Variants in NCR1 observed in about 807,000 individuals in gnomAD.
The protein encoded by NCR1 is NK cell-activating receptor.
Under a neutral mutation model 32.5 loss-of-function variants are expected in NCR1, and 30 were observed. The observed-to-expected ratio is 0.92, with a 90% confidence interval of 0.69 to 1.25. The LOEUF (loss-of-function observed/expected upper bound fraction) is 1.25, where lower values mean the gene tolerates loss of function less well. NCR1 is among the 50% of genes most tolerant of loss of function. The pLI is 0.00. For missense variants in NCR1, 369 were observed against 380.7 expected (o/e 0.97, Z 0.26); for synonymous variants, 169 against 143.4 (o/e 1.18, Z -1.28).
chr19:54,906,202 C>G lies in NCR1; in HGVS notation c.15C>G (p.Leu5=). The change falls in exon 1 of 7, where the codon CTC becomes CTG. Residue 5 remains leucine, a synonymous_variant. Coordinates refer to ENST00000291890, the MANE Select transcript of NCR1 (RefSeq NM_004829.7). Reference sequence around the variant, plus strand: ...GAATCTGAGCGATGTCTTCCACACTCCCTGCCCTGCTCTGCGTCGGTGAGT... The same window carrying G: ...GAATCTGAGCGATGTCTTCCACACTGCCTGCCCTGCTCTGCGTCGGTGAGT... MSST[L]PALLCVGLCL... The G allele has an allele frequency of 6.2e-7, 1 of 1,614,198 alleles. No individual in the cohort carries two copies. The highest frequency in any genetic ancestry group is 1.6e-4 in the Middle Eastern group (1 of 6,062).
chr19:54,928,928 G>A, the NCR1 span, among the ~76,000 whole-genome samples: 6 of 151,844 alleles, frequency 4.0e-5, no homozygotes, highest in South Asian at 2.1e-4. Flanking sequence ...CCAGCCTCCC[G>A]AGAATCTAGG....
the NCR1 span, chr19:54,937,900 CA>C: frequency 0.11 from 54,880 of 499,668 alleles, no homozygotes; most frequent in East Asian, 0.13. Flanking sequence ...TCCGTCTCAC[CA>C]AAAAAAAAAA....
chr19:54,899,685 G>A, the NCR1 span, among the ~76,000 whole-genome samples: 1 of 152,032 alleles, frequency 6.6e-6, no homozygotes, highest in Non-Finnish European at 1.5e-5. Context: ...AGCAGAGAAG[G>A]GGTAGAGACA....
At chr19:54,921,772 C>CAAAAA in the NCR1 span, among the ~76,000 whole-genome samples, 236 of 93,162 alleles carry the variant, frequency 2.5e-3, no homozygotes, top group Non-Finnish European at 4.0e-3. Flanking sequence ...GACTCCATCT[C>CAAAAA]AAAAAAAAAA....
chr19:54,926,675 G>T, the NCR1 span, among the ~76,000 whole-genome samples: 6 of 151,756 alleles, frequency 4.0e-5, no homozygotes, highest in East Asian at 5.9e-4. Flanking sequence ...CAGCACTTTG[G>T]GAGGCCAAGG....
the NCR1 span, among the ~76,000 whole-genome samples, chr19:54,921,904 T>C: frequency 6.6e-6 from 1 of 152,014 alleles, no homozygotes; most frequent in Non-Finnish European, 1.5e-5. Context: ...CTCTTATTTT[T>C]TTTTTTTCGA....
chr19:54,920,848 G>A (rs367977418), downstream of NCR1, among the ~76,000 whole-genome samples: 46 of 152,204 alleles, frequency 3.0e-4, no homozygotes, highest in East Asian at 5.8e-3. Flanking sequence ...GCTCACGCCT[G>A]TCATGCCAGC....
At chr19:54,920,021 C>T (rs1012668317), downstream of NCR1, among the ~76,000 whole-genome samples, 3 of 152,210 alleles carry the variant, frequency 2.0e-5, no homozygotes, top group Admixed American at 1.3e-4. Context: ...TAATTGCTAC[C>T]GGCTAATGAT....
At chr19:54,923,546 A>G in the NCR1 span, 3 of 660,138 alleles carry the variant, frequency 4.5e-6, no homozygotes, top group Non-Finnish European at 8.0e-6. Context: ...TCCCTGTGAG[A>G]AAGTACATAG....
At chr19:54,935,695 A>G in the NCR1 span, among the ~76,000 whole-genome samples, 1 of 67,128 alleles carries the variant, frequency 1.5e-5, no homozygotes, top group Non-Finnish European at 2.5e-5. Context: ...TGTCTCAAAG[A>G]AAAAAAAAAA....
chr19:54,926,926 A>G, the NCR1 span, among the ~76,000 whole-genome samples: 1 of 147,630 alleles, frequency 6.8e-6, no homozygotes, highest in Non-Finnish European at 1.5e-5. Flanking sequence ...TAAAAAAAAA[A>G]AAAAAAAAAA....
chr19:54,934,037 A>G, the NCR1 span, among the ~76,000 whole-genome samples: 2 of 152,134 alleles, frequency 1.3e-5, no homozygotes, highest in African/African-American at 2.4e-5. This position sits in a 1 kb window ranked among gnomAD's most constrained non-coding sequence, Gnocchi z 6.7. Flanking sequence ...GCCGCCTCCC[A>G]GGTTTACACC....
In NCR1 at chr19:54,909,307, G is replaced by T; in HGVS notation, c.418G>T (p.Val140Leu). Residue 140 changes from valine to leucine, a missense_variant, in exon 4 of 7, where the codon GTG (valine) becomes TTG (leucine). Coordinates refer to ENST00000291890, the MANE Select transcript of NCR1 (RefSeq NM_004829.7). ...PGPEVISGEKVTFYCRLDTAT... is the reference protein window; with the variant it reads ...PGPEVISGEKLTFYCRLDTAT... ...ACCCGAAGTGATCTCGGGAGAGAAGGTGACCTTCTACTGCCGTCTAGACAC... is the reference window on the plus strand; with the variant it reads ...ACCCGAAGTGATCTCGGGAGAGAAGTTGACCTTCTACTGCCGTCTAGACAC... 1 of 1,614,100 alleles carries T rather than the reference G, an allele frequency of 6.2e-7. No homozygotes were observed. Among genetic ancestry groups the T allele is most frequent in the South Asian group, 1.1e-5 (1 of 91,070 alleles).
At chr19:54,933,533 C>T in the NCR1 span, 1 of 1,609,000 alleles carries the variant, frequency 6.2e-7, no homozygotes, top group Non-Finnish European at 8.5e-7. Flanking sequence ...TGCTTGAATT[C>T]ATGTGCACAC....
At chr19:54,921,120 C>T (rs1184202800), downstream of NCR1, among the ~76,000 whole-genome samples, 2 of 152,224 alleles carry the variant, frequency 1.3e-5, no homozygotes, top group African/African-American at 4.8e-5. Flanking sequence ...CCTCTACCTA[C>T]TATCTTTGTG....
chr19:54,934,304 T>C, the NCR1 span, among the ~76,000 whole-genome samples: 2 of 152,152 alleles, frequency 1.3e-5, no homozygotes, highest in Admixed American at 1.3e-4. This position sits in a 1 kb window ranked among gnomAD's most constrained non-coding sequence, Gnocchi z 6.7. Context: ...CTCGAACTCC[T>C]GAACTCAGAT....
At chr19:54,906,079 G>T, upstream of NCR1, 1 of 1,377,354 alleles carries the variant, frequency 7.3e-7, no homozygotes, top group Non-Finnish European at 1.0e-6. Flanking sequence ...ACGTGAAAGC[G>T]CTCTGGTGAT....
the NCR1 span, chr19:54,934,743 T>A: frequency 1.7e-6 from 2 of 1,164,066 alleles, no homozygotes; most frequent in South Asian, 1.5e-5. This position sits in a 1 kb window ranked among gnomAD's most constrained non-coding sequence, Gnocchi z 6.7. Context: ...AGAGTTTCAC[T>A]CTGTTGCCCA....
At chr19:54,927,178 C>G in the NCR1 span, among the ~76,000 whole-genome samples, 1 of 151,840 alleles carries the variant, frequency 6.6e-6, no homozygotes, top group Non-Finnish European at 1.5e-5. Flanking sequence ...CACCTGAGGT[C>G]AGGAGTTCAA....
Sources: gnomAD v4.1 joint callset for allele counts (sites outside exome capture counted in the v4.1 genomes callset) on GRCh38, gnomAD v4.1.1 for gene constraint, Gnocchi (gnomAD v3.1) non-coding constraint, MANE v1.5 for transcripts, NCBI Gene and HGNC (gene_info 2026-07-23, HGNC 2026-07-21) for gene names.